The following KIAA1671 variants were observed in gnomAD, a reference collection of about 807,000 sequenced individuals.
KIAA1671 encodes KIAA1671, also known as uncharacterized protein KIAA1671.
Under a neutral mutation model 131.2 loss-of-function variants are expected in KIAA1671, and 52 were observed. That is an observed-to-expected ratio of 0.40 (90% confidence interval 0.32 to 0.50). The LOEUF (loss-of-function observed/expected upper bound fraction) is 0.50. KIAA1671 is among the 20% of genes least tolerant of loss of function. The pLI is 0.73. For synonymous variants in KIAA1671, 1,003 were observed against 961.6 expected (o/e 1.04, Z -0.80); for missense variants, 2,360 against 2,364.2 (o/e 1.00, Z 0.04).
intron 6 of KIAA1671, chr22:25,057,116 G>C (rs1324988647): frequency 6.6e-6 from 1 of 152,400 alleles, no homozygotes; most frequent in Non-Finnish European, 1.5e-5. Flanking sequence ...TTCTGAACCT[G>C]AGGCTCAGAG....
chr22:24,998,802 A>G (rs537394825), intron 1 of KIAA1671, among the ~76,000 whole-genome samples: 2 of 151,352 alleles, frequency 1.3e-5, no homozygotes, highest in South Asian at 4.2e-4. Flanking sequence ...AAGTGGAACC[A>G]TCACAAATGA....
Position 25,107,602 on chromosome 22 carries a change from G to A in KIAA1671, c.4530+58238G>A, listed in dbSNP as rs571275335. 6.6e-5 allele frequency among the ~76,000 whole-genome samples: 10 copies of A among 150,394 alleles called. 1 individual carries two copies. Among genetic ancestry groups the A allele is most frequent in the Non-Finnish European group, 7.4e-5 (5 of 67,802 alleles). Reference sequence around the variant, plus strand: ...CAATCCTTCTACCTTAGCCTCCAGAGTACTGGGACTACAGGGTTCAAACAA... The same window carrying A: ...CAATCCTTCTACCTTAGCCTCCAGAATACTGGGACTACAGGGTTCAAACAA... On this transcript the variant is annotated intron_variant, in intron 6 of 12. Coordinates refer to ENST00000358431, the MANE Select transcript of KIAA1671 (RefSeq NM_001145206.2).
chr22:25,091,695 T>C (rs761526079), intron 6 of KIAA1671, among the ~76,000 whole-genome samples: 17 of 152,194 alleles, frequency 1.1e-4, no homozygotes, highest in Non-Finnish European at 2.5e-4. Flanking sequence ...ACATGCGTTC[T>C]TCCTTGGGCC....
chr22:24,973,602 G>A (rs1922754922), intron 1 of KIAA1671, among the ~76,000 whole-genome samples: 2 of 151,528 alleles, frequency 1.3e-5, no homozygotes, highest in African/African-American at 4.8e-5. Flanking sequence ...TCTCTACTAG[G>A]CCAAGCTGGT....
rs1270754957 is a variant in KIAA1671 at position 25,197,428 on chromosome 22, G to A, written c.*5027G>A. On this transcript the variant is annotated 3_prime_UTR_variant, in exon 13 of 13. Coordinates refer to ENST00000358431, the MANE Select transcript of KIAA1671 (RefSeq NM_001145206.2). ...CTATGAAAATAGCAAATAAAGCTTT[G>A]GTGCAAGTTGCATTGGAGAAGTCGG... The A allele has an allele frequency of 1.3e-5, 2 of 152,202 alleles. No homozygotes were observed. Among genetic ancestry groups the A allele is most frequent in the Admixed American group, 1.3e-4 (2 of 15,278 alleles). 9.4% of individuals were successfully genotyped at this position (152,202 alleles called of 1,614,324 possible).
intron 1 of KIAA1671, among the ~76,000 whole-genome samples, chr22:24,953,531 G>C (rs936926207): frequency 8.6e-5 from 13 of 152,026 alleles, no homozygotes; most frequent in Non-Finnish European, 1.5e-5. Flanking sequence ...GAGGCGCCCT[G>C]ATGGGATTAA....
intron 6 of KIAA1671, among the ~76,000 whole-genome samples, chr22:25,139,966 G>A (rs1191852263): frequency 6.6e-6 from 1 of 152,216 alleles, no homozygotes; most frequent in Admixed American, 6.5e-5. Flanking sequence ...GTGGTGTGGT[G>A]GCAGTGCAAT....
At chr22:24,975,776 C>G (rs758400942) in intron 1 of KIAA1671, among the ~76,000 whole-genome samples, 1 of 152,152 alleles carries the variant, frequency 6.6e-6, no homozygotes, top group Non-Finnish European at 1.5e-5. Context: ...AGGGAATTGA[C>G]TCCACCAAGG....
intron 6 of KIAA1671, among the ~76,000 whole-genome samples, chr22:25,163,038 T>C (rs192127310): frequency 6.6e-6 from 1 of 152,022 alleles, no homozygotes; most frequent in Non-Finnish European, 1.5e-5. Flanking sequence ...CTTAAAAAAA[T>C]TTTTTTTGGC....
At chr22:25,188,735 T>C (rs977362851) in intron 11 of KIAA1671, among the ~76,000 whole-genome samples, 1 of 152,174 alleles carries the variant, frequency 6.6e-6, no homozygotes, top group Non-Finnish European at 1.5e-5. Flanking sequence ...GAAAATATAT[T>C]TCCTGTTCAT....
intron 6 of KIAA1671, among the ~76,000 whole-genome samples, chr22:25,118,657 CCCAT>C (rs1931794410): frequency 6.6e-6 from 1 of 152,074 alleles, no homozygotes; most frequent in African/African-American, 2.4e-5. Flanking sequence ...TCTGGCCCCT[CCCAT>C]CCAGTCCATT....
chr22:25,087,870 C>T (rs1929815075), intron 6 of KIAA1671, among the ~76,000 whole-genome samples: 1 of 152,152 alleles, frequency 6.6e-6, no homozygotes, highest in Non-Finnish European at 1.5e-5. Flanking sequence ...AGCCAGAGCC[C>T]CCAGCACCTG....
Position 25,028,212 on chromosome 22 carries a change from C to G in KIAA1671, c.213C>G (p.Phe71Leu). ...LPLPRLAPKP[F>L]SKEQDVKSPV... ...TGCCAAGGCTCGCCCCCAAACCCTT[C>G]TCGAAGGAGCAGGACGTGAAATCTC... The change falls in exon 3 of 13, where the codon TTC becomes TTG. Residue 71 changes from phenylalanine (F) to leucine (L), a missense_variant. Phe to Leu is a conservative substitution (Grantham distance 22, BLOSUM62 0). Coordinates refer to ENST00000358431, the MANE Select transcript of KIAA1671 (RefSeq NM_001145206.2). 6.4e-7 allele frequency: 1 copy of G among 1,551,292 alleles called. No individual in the cohort carries two copies. The highest frequency in any genetic ancestry group is 8.7e-7 in the Non-Finnish European group (1 of 1,146,704).
chr22:25,005,175 C>G (rs1924678593), intron 1 of KIAA1671, among the ~76,000 whole-genome samples: 1 of 151,064 alleles, frequency 6.6e-6, no homozygotes, highest in Non-Finnish European at 1.5e-5. Flanking sequence ...TGGTGAAACC[C>G]TGTCTCTACT....
chr22:25,099,033 G>A (rs1930521406), intron 6 of KIAA1671, among the ~76,000 whole-genome samples: 1 of 152,154 alleles, frequency 6.6e-6, no homozygotes, highest in Non-Finnish European at 1.5e-5. Context: ...GCTGAGTGAT[G>A]GAAATGACGG....
intron 6 of KIAA1671, among the ~76,000 whole-genome samples, chr22:25,065,734 G>T (rs951292432): frequency 1.3e-5 from 2 of 151,780 alleles, no homozygotes; most frequent in African/African-American, 2.4e-5. Flanking sequence ...CCACCTCCCG[G>T]ATTCAAGCGA....
intron 6 of KIAA1671, among the ~76,000 whole-genome samples, chr22:25,169,247 T>A (rs1021486826): frequency 2.0e-5 from 3 of 151,738 alleles, no homozygotes; most frequent in African/African-American, 7.3e-5. Flanking sequence ...CGAGACCCCA[T>A]CTCTACAAAA....
intron 6 of KIAA1671, among the ~76,000 whole-genome samples, chr22:25,127,009 T>C (rs1247366675): frequency 6.6e-6 from 1 of 152,224 alleles, no homozygotes; most frequent in African/African-American, 2.4e-5. Flanking sequence ...CCCATATGTT[T>C]TTTAGAGGTT....
chr22:25,068,814 A>G (rs1377692761), intron 6 of KIAA1671, among the ~76,000 whole-genome samples: 2 of 152,212 alleles, frequency 1.3e-5, no homozygotes, highest in Non-Finnish European at 2.9e-5. Context: ...GATGCAGCAC[A>G]GATGGGCCCA....
Sources: gnomAD v4.1 joint callset for allele counts (sites outside exome capture counted in the v4.1 genomes callset) on GRCh38, gnomAD v4.1.1 for gene constraint, MANE v1.5 for transcripts, NCBI Gene and HGNC (gene_info 2026-07-23, HGNC 2026-07-21) for gene names.